CTNNA2: variants seen among roughly 807,000 people sequenced by gnomAD.
CTNNA2 encodes catenin alpha-2.
A neutral mutation model predicts 101.0 loss-of-function variants in CTNNA2; 42 were observed. The ratio of observed to expected loss-of-function variants is 0.42; its 90% confidence interval spans 0.32 to 0.54. CTNNA2 has a LOEUF of 0.54. Among genes scored for constraint, CTNNA2 ranks in the 20% least tolerant of loss-of-function variants. CTNNA2 has a pLI of 0.14. For synonymous variants in CTNNA2, 450 were observed against 456.4 expected (o/e 0.99, Z 0.18); for missense variants, 871 against 1,223.1 (o/e 0.71, Z 4.29).
At chr2:80,526,009 C>G (rs1690001249) in intron 9 of CTNNA2, among the ~76,000 whole-genome samples, 1 of 152,152 alleles carries the variant, frequency 6.6e-6, no homozygotes, top group Non-Finnish European at 1.5e-5. Flanking sequence ...CTAATACTCT[C>G]TTAGCTTCTG....
chr2:80,394,928 T>C (rs1677862871), intron 8 of CTNNA2, among the ~76,000 whole-genome samples: 1 of 152,226 alleles, frequency 6.6e-6, no homozygotes, highest in South Asian at 2.1e-4. Flanking sequence ...ATTCATGAAC[T>C]GGGTCTTCCC....
intron 7 of CTNNA2, among the ~76,000 whole-genome samples, chr2:80,029,136 T>C (rs1419099751): frequency 6.6e-6 from 1 of 152,240 alleles, no homozygotes; most frequent in Non-Finnish European, 1.5e-5. Context: ...TCTATTATAA[T>C]GGATACTATG....
chr2:80,028,354 T>A (rs1031543002), intron 7 of CTNNA2: 1 of 152,230 alleles, frequency 6.6e-6, no homozygotes, highest in Non-Finnish European at 1.5e-5. Flanking sequence ...CTTGTGGCCC[T>A]CAAATATAAA....
intron 9 of CTNNA2, among the ~76,000 whole-genome samples, chr2:80,472,668 A>G (rs1685403727): frequency 6.6e-6 from 1 of 152,108 alleles, no homozygotes; most frequent in Admixed American, 6.5e-5. Context: ...TGAGGGTTGA[A>G]TGCCCAAGAA....
At chr2:79,806,200 G>T (rs144951001) in intron 3 of CTNNA2, among the ~76,000 whole-genome samples, 1 of 146,178 alleles carries the variant, frequency 6.8e-6, no homozygotes, top group East Asian at 2.1e-4. Context: ...CCACCCATTA[G>T]GGCTATGCAC....
intron 7 of CTNNA2, among the ~76,000 whole-genome samples, chr2:79,953,965 T>C (rs1273157643): frequency 1.3e-5 from 2 of 152,206 alleles, no homozygotes; most frequent in African/African-American, 4.8e-5. Context: ...CAGTTCATTT[T>C]CACACTGCTA....
intron 2 of CTNNA2, among the ~76,000 whole-genome samples, chr2:79,300,236 T>C (rs1251864378): frequency 3.3e-5 from 5 of 152,202 alleles, no homozygotes; most frequent in Admixed American, 3.3e-4. Context: ...CCTGTCTCCA[T>C]AGTTTTGCCT....
At chr2:79,654,422 C>T (rs947448935) in intron 2 of CTNNA2, among the ~76,000 whole-genome samples, 2 of 152,178 alleles carry the variant, frequency 1.3e-5, no homozygotes, top group Non-Finnish European at 2.9e-5. Context: ...TGTCTGCAGT[C>T]CACCTGCATC....
rs57739991 is a variant in CTNNA2, at chr2:79,636,269, CAAAAAAAAAAAAAAAAAA to C, written c.-5-15270_-5-15253del. Among the ~76,000 whole-genome samples the C allele has an allele frequency of 8.5e-3, 569 of 67,258 alleles. 19 individuals carry two copies. The Admixed American group carries it at 0.097, about 12-fold the overall frequency. The allele number at this position is 67,258 out of a possible 152,430, so 44.1% of individuals were successfully genotyped here. A position where few individuals can be genotyped will look rare whatever the true frequency, so the allele number is the denominator to read the frequency against. ...TGGGCAACAGAGTGAGACTCTGTCT[CAAAAAAAAAAAAAAAAAA>C]AAAAAAAAAAAAGGAAGAAAAAGAA... On this transcript the variant is annotated intron_variant, in intron 1 of 18. Transcript: ENST00000402739.
At chr2:79,674,204 C>G (rs1349663365) in intron 2 of CTNNA2, among the ~76,000 whole-genome samples, 1 of 152,130 alleles carries the variant, frequency 6.6e-6, no homozygotes, top group Non-Finnish European at 1.5e-5. Flanking sequence ...CCCTAGACTT[C>G]CATGAGGTTG....
intron 7 of CTNNA2, among the ~76,000 whole-genome samples, chr2:80,161,240 T>C (rs1704298711): frequency 6.6e-6 from 1 of 152,118 alleles, no homozygotes; most frequent in African/African-American, 2.4e-5. Context: ...AGTCTCAAAC[T>C]CCTAATTTCA....
chr2:80,139,079 A>C (rs1011911892), intron 7 of CTNNA2, among the ~76,000 whole-genome samples: 2 of 152,160 alleles, frequency 1.3e-5, no homozygotes, highest in Non-Finnish European at 2.9e-5. Context: ...AGTGAAAAGT[A>C]TTGTTCTCAT....
intron 9 of CTNNA2, among the ~76,000 whole-genome samples, chr2:80,441,991 T>C (rs115143928): frequency 0.014 from 2,194 of 152,362 alleles, 41 homozygotes; most frequent in African/African-American, 0.05. Flanking sequence ...ACTATCCTTC[T>C]TCTGCATCTT....
rs549232070 is a variant in CTNNA2, at chr2:80,509,694, C to T, written c.1291-35288C>T. On this transcript the variant is annotated intron_variant, in intron 9 of 18. Coordinates refer to ENST00000402739, the MANE Select transcript of CTNNA2 (RefSeq NM_001282597.3). Reference sequence around the variant, plus strand: ...CTATCACCCAGGGAAGATGTGGTCCCCCTCTGCTGAGATAATGGTTGTCAT... The same window carrying T: ...CTATCACCCAGGGAAGATGTGGTCCTCCTCTGCTGAGATAATGGTTGTCAT... Among the ~76,000 whole-genome samples the T allele has an allele frequency of 1.4e-4, 21 of 152,256 alleles. 2 individuals are homozygous for T. The South Asian group carries it at 4.1e-3, about 30-fold the overall frequency.
chr2:79,338,572 C>A (rs1227370239), intron 3 of CTNNA2, among the ~76,000 whole-genome samples: 1 of 127,164 alleles, frequency 7.9e-6, no homozygotes, highest in South Asian at 2.8e-4. Context: ...CTTCTTCCTC[C>A]TCATCATCTT....
chr2:80,647,543 C>T, intron 18 of CTNNA2, 42 bp from the exon 19 acceptor site: 1 of 1,468,124 alleles, frequency 6.8e-7, no homozygotes, highest in Non-Finnish European at 9.2e-7. Context: ...GAATTTGGGG[C>T]CTCCATTAAC....
intron 4 of CTNNA2, among the ~76,000 whole-genome samples, chr2:79,487,890 A>G (rs1161803010): frequency 6.6e-6 from 1 of 152,216 alleles, no homozygotes; most frequent in African/African-American, 2.4e-5. Flanking sequence ...TATTAAGTAA[A>G]TAATAAATTG....
chr2:79,971,602 G>A (rs560101499), intron 7 of CTNNA2, among the ~76,000 whole-genome samples: 9 of 152,202 alleles, frequency 5.9e-5, no homozygotes, highest in South Asian at 2.1e-4. Context: ...TGGCTTTAAC[G>A]TATTGTCTTA....
chr2:79,986,916 A>T (rs1691804177), intron 7 of CTNNA2, among the ~76,000 whole-genome samples: 1 of 152,170 alleles, frequency 6.6e-6, no homozygotes, highest in South Asian at 2.1e-4. Flanking sequence ...AGACATCTTG[A>T]TCTGCCCTGA....
Sources: allele counts gnomAD v4.1 joint callset (sites outside exome capture counted in the v4.1 genomes callset), GRCh38; gene constraint gnomAD v4.1.1; transcripts MANE v1.5; gene names NCBI Gene and HGNC (gene_info 2026-07-23, HGNC 2026-07-21).